The following MUC5AC variants were observed in gnomAD, a reference collection of about 807,000 sequenced individuals.
MUC5AC encodes mucin-5AC.
In MUC5AC, 158 loss-of-function variants were observed where a neutral mutation model predicts 169.7. The observed-to-expected ratio is 0.93, with a 90% CI of 0.82 to 1.06. MUC5AC has a LOEUF of 1.06. Among genes scored for constraint, MUC5AC ranks in the 50% least tolerant of loss-of-function variants. The pLI, the probability that MUC5AC is intolerant of heterozygous loss-of-function variation, is 0.00. For synonymous variants in MUC5AC, 1,975 were observed against 1,237.0 expected, an observed-to-expected ratio of 1.60 and a Z score of -12.52; for missense variants, 4,359 against 3,089.9, an observed-to-expected ratio of 1.41 and a Z score of -9.74.
chr11:1,172,095 C>T (rs1191965400), intron 15 of MUC5AC, among the ~76,000 whole-genome samples: 1 of 152,256 alleles, frequency 6.6e-6, no homozygotes, highest in Non-Finnish European at 1.5e-5. Context: ...CCAGTGAGCC[C>T]AGTGGAGGGG....
At chr11:1,197,334 A>G in intron 40 of MUC5AC, 134 bp from the exon 41 acceptor site, 1 of 622,842 alleles carries the variant, frequency 1.6e-6, no homozygotes. Flanking sequence ...TTGAAGCCCT[A>G]CTCCTGCTGG....
At chr11:1,192,680 C>G (rs1276193298) in intron 31 of MUC5AC, 103 bp from the exon 32 acceptor site, 1 of 686,928 alleles carries the variant, frequency 1.5e-6, no homozygotes, top group African/African-American at 1.8e-5. Context: ...AAATTTTTTC[C>G]CATTACACAG....
rs1214917799 is a variant in MUC5AC at position 1,165,907 on chromosome 11, C to T, written c.1386+147C>T. 4 of 1,158,982 alleles carry T rather than the reference C, an allele frequency of 3.5e-6. No individual in the cohort carries two copies. In the African/African-American group the frequency reaches 4.6e-5, roughly 13 times the overall value. 71.8% of individuals were successfully genotyped at this position (1,158,982 alleles called of 1,614,324 possible). On this transcript the variant is annotated intron_variant, in intron 11 of 48. Transcript: ENST00000621226. ...ATGTTGAGACCTCAAGGAAGCACTC[C>T]AGCTCCCCAGCGCTAGTCCTCACAG...
intron 11 of MUC5AC, among the ~76,000 whole-genome samples, chr11:1,167,208 AAC>A (rs1386426503): frequency 2.2e-5 from 3 of 135,620 alleles, no homozygotes; most frequent in South Asian, 2.4e-4. Context: ...CCCTGCACCC[AAC>A]ACACAGTCTC....
chr11:1,179,075 AG>A lies in MUC5AC; in HGVS notation c.3328-16del, dbSNP rs1860750712. 1.2e-5 allele frequency: 6 copies of A among 508,070 alleles called. No individual in the cohort carries two copies. The highest frequency in any genetic ancestry group is 2.1e-5 in the Non-Finnish European group (6 of 280,436). 31.5% of individuals were successfully genotyped at this position (508,070 alleles called of 1,614,324 possible). ...TGGTGGGGGGGTCCCTGGAACCTGA[AG>A]CCCCGTCTCCCTCAGGTGGAGCCGG... is the stretch of plus-strand genomic sequence containing the variant. On this transcript the variant is annotated splice_polypyrimidine_tract_variant and intron_variant, in intron 25 of 48. Coordinates refer to ENST00000621226, the MANE Select transcript of MUC5AC (RefSeq NM_001304359.2).
rs1391829511 is a variant in MUC5AC, at chr11:1,165,291, G to C, written c.1130-11G>C. 30 of 1,608,748 alleles carry C rather than the reference G, an allele frequency of 1.9e-5. No individual in the cohort carries two copies. The highest frequency in any genetic ancestry group is 2.4e-5 in the Non-Finnish European group (28 of 1,177,572). ...GCAGGCGCCCGTCATAGGCCTGCCT[G>C]ACCCCTGCAGGGACGGTGCTTGACG... On this transcript the variant is annotated splice_polypyrimidine_tract_variant and intron_variant, in intron 9 of 48. Transcript: ENST00000621226.
intron 9 of MUC5AC, 52 bp downstream of exon 9, chr11:1,164,584 G>C: frequency 6.4e-7 from 1 of 1,555,978 alleles, no homozygotes; most frequent in Admixed American, 1.9e-5. Flanking sequence ...CAACTAGGGG[G>C]CTGTGCTCCC....
Position 1,197,647 on chromosome 11 carries a change from C to CT in MUC5AC, c.16033+11dup. On this transcript the variant is annotated intron_variant, in intron 41 of 48. Coordinates refer to ENST00000621226, the MANE Select transcript of MUC5AC (RefSeq NM_001304359.2). ...GCCCCCAGTACAGCTGCGGTAAGCC[C>CT]TTTGCTGGGTGAGGGGCATGGTGTG... 1.4e-6 allele frequency: 1 copy of CT among 695,354 alleles called. No homozygotes were observed. Among genetic ancestry groups the CT allele is most frequent in the Non-Finnish European group, 2.6e-6 (1 of 378,474 alleles). The allele number at this position is 695,354 out of a possible 1,614,324, so 43.1% of individuals were successfully genotyped here. A position where few individuals can be genotyped will look rare whatever the true frequency, so the allele number is the denominator to read the frequency against.
chr11:1,181,386 G>T lies in MUC5AC; in HGVS notation c.3936G>T (p.Glu1312Asp). The T allele has an allele frequency of 2.5e-6, 1 of 398,650 alleles. No homozygotes were observed. The highest frequency in any genetic ancestry group is 4.4e-6 in the Non-Finnish European group (1 of 226,118). The allele number at this position is 398,650 out of a possible 1,614,324, so 24.7% of individuals were successfully genotyped here. A position where few individuals can be genotyped will look rare whatever the true frequency, so the allele number is the denominator to read the frequency against. ...SARCGANGTI[E>D]RRVYPCSPTT... is the part of the protein sequence containing the mutation. Reference sequence around the variant, plus strand: ...GCTGCGGGGCCAACGGCACCATTGAGAGGAGGGTCTACCCCTGCAGCCCCA... The same window carrying T: ...GCTGCGGGGCCAACGGCACCATTGATAGGAGGGTCTACCCCTGCAGCCCCA... Residue 1312 changes from glutamate to aspartate, a missense_variant, in exon 30 of 49, where the codon GAG becomes GAT. Glu to Asp is a conservative substitution (Grantham distance 45, BLOSUM62 2). Transcript: ENST00000621226.
intron 9 of MUC5AC, 87 bp from the exon 10 acceptor site, chr11:1,165,215 C>T (rs1335307400): frequency 4.7e-6 from 6 of 1,289,094 alleles, no homozygotes; most frequent in Middle Eastern, 2.7e-4. Context: ...GGCCCCAGCT[C>T]GCTGTGGGGC....
chr11:1,197,990 C>T lies in MUC5AC; in HGVS notation c.16121C>T (p.Pro5374Leu), dbSNP rs767172806. The T allele has an allele frequency of 1.1e-5, 8 of 713,950 alleles. No individual in the cohort carries two copies. Among genetic ancestry groups the T allele is most frequent in the East Asian group, 5.1e-5 (2 of 39,492 alleles). 44.2% of individuals were successfully genotyped at this position (713,950 alleles called of 1,614,324 possible). A position where few individuals can be genotyped will look rare whatever the true frequency, so the allele number is the denominator to read the frequency against. ...IPTYQEGACCPVQNCSWTVCS... is the reference protein window; with the variant it reads ...IPTYQEGACCLVQNCSWTVCS... The stretch of plus-strand genomic sequence containing the variant: ...ACCTACCAGGAGGGGGCCTGCTGCC[C>T]AGTCCAAAACTGCAGTGAGTGGCCT... Residue 5374 changes from proline (P) to leucine (L), a missense_variant, in exon 42 of 49, where the codon CCA becomes CTA. Transcript: ENST00000621226.
intron 7 of MUC5AC, 41 bp from the exon 8 acceptor site, chr11:1,164,065 C>A: frequency 6.2e-7 from 1 of 1,609,544 alleles, no homozygotes; most frequent in Non-Finnish European, 8.5e-7. Context: ...CGGTCCAGAT[C>A]CCCCACCGAG....
Position 1,188,225 on chromosome 11 carries a change from T to G in MUC5AC, c.10080T>G (p.Thr3360=). Residue 3360 remains threonine, a synonymous_variant, in exon 31 of 49, where the codon ACT becomes ACG. Coordinates refer to ENST00000621226, the MANE Select transcript of MUC5AC (RefSeq NM_001304359.2). ...TSSWQKSRTT[T]LVTTSTTSTP... ...CTTGGCAGAAATCCAGGACAACCAC[T>G]TTGGTGACAACCAGCACAACCTCCA... The G allele has an allele frequency of 1.5e-6, 1 of 689,634 alleles. No individual in the cohort carries two copies. Among genetic ancestry groups the G allele is most frequent in the Non-Finnish European group, 2.6e-6 (1 of 379,348 alleles). 42.7% of individuals were successfully genotyped at this position (689,634 alleles called of 1,614,324 possible).
rs989532620 is a variant in MUC5AC, at chr11:1,196,374, TCCCCTCC to T, written c.15638-11_15638-5del. The T allele has an allele frequency of 1.3e-6, 1 of 764,100 alleles. No individual in the cohort carries two copies. The highest frequency in any genetic ancestry group is 2.4e-6 in the Non-Finnish European group (1 of 417,476). 47.3% of individuals were successfully genotyped at this position (764,100 alleles called of 1,614,324 possible). A position where few individuals can be genotyped will look rare whatever the true frequency, so the allele number is the denominator to read the frequency against. On this transcript the variant is annotated splice_region_variant and splice_polypyrimidine_tract_variant and intron_variant, in intron 37 of 48. Transcript: ENST00000621226. The stretch of plus-strand genomic sequence containing the variant: ...CCCTCCCACCCTCTCAGGTGTGGCT[TCCCCTCC>T]CCACAGCATTCACCTGCCCAGCCGA...
At chr11:1,198,389 A>C in intron 43 of MUC5AC, 84 bp downstream of exon 43, 2 of 696,566 alleles carry the variant, frequency 2.9e-6, no homozygotes. Flanking sequence ...CTTTGGAGCA[A>C]CTGCCAACTC....
Position 1,178,536 on chromosome 11 carries a change from G to A in MUC5AC, c.3180G>A (p.Glu1060=). Residue 1060 remains glutamate (E), a synonymous_variant, in exon 25 of 49, where the codon GAG becomes GAA. Transcript: ENST00000621226. ...RSRSVVGDVL[E]FGNSWKLSPS... ...GGTCTGTGGTGGGGGACGTGCTGGA[G>A]TTTGGGAACAGCTGGAAGCTCTCCC... The A allele has an allele frequency of 7.4e-7, 1 of 1,343,928 alleles. No homozygotes were observed. Among genetic ancestry groups the A allele is most frequent in the South Asian group, 1.9e-5 (1 of 53,982 alleles). 83.3% of individuals were successfully genotyped at this position (1,343,928 alleles called of 1,614,324 possible).
At chr11:1,169,428 AC>A (rs1434613358) in intron 15 of MUC5AC, among the ~76,000 whole-genome samples, 56 of 89,580 alleles carry the variant, frequency 6.3e-4, no homozygotes, top group Admixed American at 9.6e-4. Flanking sequence ...TCGCCCACTC[AC>A]CTCACTCACT....
Position 1,189,208 on chromosome 11 carries a change from C to T in MUC5AC, c.11063C>T (p.Thr3688Ile), listed in dbSNP as rs1861022896. ...TSTTPASIPS[T>I]TSAPTTSTTS... The stretch of plus-strand genomic sequence containing the variant: ...ACAACCCCTGCTTCTATACCCAGCA[C>T]AACCTCTGCCCCAACAACCAGCACA... Residue 3688 changes from threonine to isoleucine, a missense_variant, in exon 31 of 49, where the codon ACA becomes ATA. By Grantham distance (89) the Thr-to-Ile change is moderately conservative. Transcript: ENST00000621226. 2 of 600,594 alleles carry T rather than the reference C, an allele frequency of 3.3e-6. No homozygotes were observed. The allele number at this position is 600,594 out of a possible 1,614,324, so 37.2% of individuals were successfully genotyped here. A position where few individuals can be genotyped will look rare whatever the true frequency, so the allele number is the denominator to read the frequency against.
At chr11:1,158,553 G>C (rs1339598277) in intron 1 of MUC5AC, among the ~76,000 whole-genome samples, 1 of 152,222 alleles carries the variant, frequency 6.6e-6, no homozygotes, top group African/African-American at 2.4e-5. Flanking sequence ...TCTGAGCTGG[G>C]ATGTGATGGT....
Sources: gnomAD v4.1 joint callset for allele counts (sites outside exome capture counted in the v4.1 genomes callset) on GRCh38, gnomAD v4.1.1 for gene constraint, MANE v1.5 for transcripts, NCBI Gene and HGNC (gene_info 2026-07-23, HGNC 2026-07-21) for gene names.